Variants in MYH3 observed in about 807,000 individuals in gnomAD.
The protein encoded by MYH3 is myosin heavy chain 3.
A neutral mutation model predicts 238.0 loss-of-function variants in MYH3; 130 were observed. That is an observed-to-expected ratio of 0.55 (90% confidence interval 0.47 to 0.63). The LOEUF (loss-of-function observed/expected upper bound fraction) is 0.63. MYH3 is among the 30% of genes least tolerant of loss of function. MYH3 has a pLI of 0.00. For missense variants in MYH3, 1,853 were observed against 2,374.9 expected (o/e 0.78, Z 4.57); for synonymous variants, 880 against 924.1 (o/e 0.95, Z 0.86).
At chr17:10,655,429 C>T (rs889105452) in intron 2 of MYH3, among the ~76,000 whole-genome samples, 3 of 152,106 alleles carry the variant, frequency 2.0e-5, no homozygotes, top group Non-Finnish European at 2.9e-5. Flanking sequence ...GCTGAGGGAA[C>T]GTTTAAAAAT....
chr17:10,640,894 A>C (rs1476088049), intron 19 of MYH3, among the ~76,000 whole-genome samples, 191 bp downstream of exon 19: 1 of 152,262 alleles, frequency 6.6e-6, no homozygotes. Context: ...TTTGTATATC[A>C]GATAAATTCC....
At chr17:10,632,862 C>T in intron 33 of MYH3, 78 bp from the exon 34 acceptor site, 2 of 1,445,862 alleles carry the variant, frequency 1.4e-6, no homozygotes, top group East Asian at 2.3e-5. Context: ...GATAACAAAA[C>T]TTCAATGGAA....
At position 10,651,747 on chromosome 17, in the gene MYH3, G is replaced by GTT. The variant is rs370073463; in HGVS notation, c.349-81_349-80dup. 0.056 allele frequency: 41,274 copies of GTT among 731,528 alleles called. 518 individuals carry two copies. Among genetic ancestry groups the GTT allele is most frequent in the African/African-American group, 0.19 (8,129 of 43,498 alleles). The allele number at this position is 731,528 out of a possible 1,614,324, so 45.3% of individuals were successfully genotyped here. ...ACCCCTTGCCTTTATTATTATTATT[G>GTT]TTTTTTTTTTTTTTTGAGACGGAGT... is the stretch of plus-strand genomic sequence containing the variant. On this transcript the variant is annotated intron_variant, in intron 4 of 40. Transcript: ENST00000583535.
intron 28 of MYH3, among the ~76,000 whole-genome samples, chr17:10,636,062 C>T (rs916841072): frequency 1.3e-5 from 2 of 152,032 alleles, no homozygotes; most frequent in African/African-American, 4.8e-5. Context: ...CAGTGGCTCA[C>T]GCCTGTAATC....
Position 10,645,915 on chromosome 17 carries a change from T to C in MYH3, c.1002+14A>G. On this transcript the variant is annotated intron_variant, in intron 11 of 40. Coordinates refer to ENST00000583535, the MANE Select transcript of MYH3 (RefSeq NM_002470.4). ...GGAGGAGGAACACCCACCCCTTCTG[T>C]TGGTTCCACTTACGTCTGTAGCCAG... is the stretch of plus-strand genomic sequence containing the variant. 6.2e-7 allele frequency: 1 copy of C among 1,613,650 alleles called. No homozygotes were observed. Among genetic ancestry groups the C allele is most frequent in the Non-Finnish European group, 8.5e-7 (1 of 1,179,666 alleles).
rs768187887 is a variant in MYH3 at position 10,642,800 on chromosome 17, C to T, written c.1581+26G>A. Reference sequence around the variant, plus strand: ...TGAGCAGAAGAGTCTATGAGAAGAGCTTACGGTGGGGATGGAACTGGATAC... The same window carrying T: ...TGAGCAGAAGAGTCTATGAGAAGAGTTTACGGTGGGGATGGAACTGGATAC... On this transcript the variant is annotated intron_variant, in intron 15 of 40. Coordinates refer to ENST00000583535, the MANE Select transcript of MYH3 (RefSeq NM_002470.4). This position sits in a 1 kb window ranked among gnomAD's most constrained non-coding sequence, Gnocchi z 5.4. 8 of 1,614,094 alleles carry T rather than the reference C, an allele frequency of 5.0e-6. No homozygotes were observed. The Admixed American group carries it at 1.3e-4, about 27-fold the overall frequency.
At chr17:10,659,339 C>A (rs1466598824), upstream of MYH3, among the ~76,000 whole-genome samples, 1 of 152,200 alleles carries the variant, frequency 6.6e-6, no homozygotes, top group Non-Finnish European at 1.5e-5. Context: ...TCCACACTGT[C>A]CTTGTTTCCT....
At chr17:10,660,329 G>A (rs1284679935), upstream of MYH3, among the ~76,000 whole-genome samples, 2 of 152,184 alleles carry the variant, frequency 1.3e-5, no homozygotes, top group Non-Finnish European at 2.9e-5. Flanking sequence ...AAATTACACT[G>A]AATATATGTC....
At chr17:10,634,294 G>T (rs1446991023) in intron 31 of MYH3, 112 bp from the exon 32 acceptor site, 3 of 1,270,602 alleles carry the variant, frequency 2.4e-6, no homozygotes, top group Admixed American at 1.7e-5. Context: ...GGCATCACTT[G>T]CCTGGCTCCT....
In MYH3 at chr17:10,629,564, TGG is replaced by T. The variant is rs147333978; in HGVS notation, c.5796+31_5796+32del. On this transcript the variant is annotated intron_variant, in intron 40 of 40. Coordinates refer to ENST00000583535, the MANE Select transcript of MYH3 (RefSeq NM_002470.4). ...CCAGCTAAGAAGTTTCTACAGTCCC[TGG>T]GGGGGGGCTCCTCCCAGCTCAGCGA... 127 of 1,580,522 alleles carry T rather than the reference TGG, an allele frequency of 8.0e-5. 3 individuals carry two copies. In the East Asian group the frequency reaches 9.9e-4, roughly 12 times the overall value.
intron 28 of MYH3, among the ~76,000 whole-genome samples, chr17:10,637,117 T>C (rs1328463419): frequency 6.6e-6 from 1 of 150,810 alleles, no homozygotes; most frequent in East Asian, 2.0e-4. Flanking sequence ...TGGAGTGCAA[T>C]GGCATAATCT....
At chr17:10,641,715 T>C (rs768564100) in intron 17 of MYH3, among the ~76,000 whole-genome samples, 7 of 152,078 alleles carry the variant, frequency 4.6e-5, no homozygotes, top group Non-Finnish European at 1.0e-4. Context: ...GGGGTTTTAC[T>C]GTGTTAGCCA....
At chr17:10,633,976 G>A in intron 32 of MYH3, 41 bp downstream of exon 32, 1 of 1,607,974 alleles carries the variant, frequency 6.2e-7, no homozygotes, top group Non-Finnish European at 8.5e-7. Context: ...GAGCAATAGA[G>A]CATGAAAGGA....
the MYH3 span, chr17:10,672,337 C>T: frequency 2.0e-5 from 3 of 152,082 alleles, no homozygotes; most frequent in African/African-American, 4.8e-5. Flanking sequence ...AAGTACTACA[C>T]TTTAAAAAAA....
Position 10,632,636 on chromosome 17 carries a change from T to C in MYH3, c.4796A>G (p.Gln1599Arg), listed in dbSNP as rs761815567. 3 of 1,614,222 alleles carry C rather than the reference T, an allele frequency of 1.9e-6. No homozygotes were observed. The highest frequency in any genetic ancestry group is 2.5e-6 in the Non-Finnish European group (3 of 1,180,036). ...CCGCACCTCGGCGTCCAGGGCGCTC[T>C]GCATGGTTTCCACTGTTCTCTGGTA... ...RNYQRTVETM[Q>R]SALDAEVRSR... Residue 1599 changes from glutamine (Q) to arginine (R), a missense_variant, in exon 34 of 41, where the codon CAG becomes CGG. Around this residue, in one of 3 missense-constraint regions of MYH3, gnomAD observed 1,044 missense variants for 1,192.6 expected, o/e 0.88. Transcript: ENST00000583535.
At chr17:10,652,211 G>GCTC (rs1290705675) in intron 4 of MYH3, 24 of 671,822 alleles carry the variant, frequency 3.6e-5, no homozygotes, top group Non-Finnish European at 6.2e-5. Flanking sequence ...CCGCTCTCCG[G>GCTC]CTCCTGGTCC....
intron 28 of MYH3, among the ~76,000 whole-genome samples, chr17:10,637,012 T>G (rs1022944296): frequency 3.9e-5 from 6 of 151,910 alleles, no homozygotes; most frequent in Non-Finnish European, 5.9e-5. Flanking sequence ...GCACCAGGGC[T>G]GGGTGAAGCC....
rs1224406038 is a variant in MYH3, at chr17:10,654,517, G to C, written c.204+344C>G. On this transcript the variant is annotated intron_variant, in intron 3 of 40. Coordinates refer to ENST00000583535, the MANE Select transcript of MYH3 (RefSeq NM_002470.4). The surrounding 1 kb of genome is among the most constrained non-coding windows in gnomAD (Gnocchi z 4.5). ...TTGGGACAAATCTAGGCTACCAAAG[G>C]AGAGTGTTCTGAAACAGCGCTCATT... Among the ~76,000 whole-genome samples the C allele has an allele frequency of 6.6e-6, 1 of 152,268 alleles. No individual in the cohort carries two copies. The highest frequency in any genetic ancestry group is 2.4e-5 in the African/African-American group (1 of 41,464).
At chr17:10,645,647 A>T in intron 12 of MYH3, 60 bp downstream of exon 12, 3 of 1,602,094 alleles carry the variant, frequency 1.9e-6, no homozygotes, top group African/African-American at 2.7e-5. Flanking sequence ...CAAAAGCAGT[A>T]CCAAGTGACC....
Sources: gnomAD v4.1 joint callset for allele counts (sites outside exome capture counted in the v4.1 genomes callset) on GRCh38, gnomAD v4.1.1 for gene constraint, gnomAD v4.1.1 regional missense constraint, Gnocchi (gnomAD v3.1) non-coding constraint, MANE v1.5 for transcripts, NCBI Gene and HGNC (gene_info 2026-07-23, HGNC 2026-07-21) for gene names.